Variants in RAB38 observed in about 807,000 individuals in gnomAD.
RAB38 encodes ras-related protein Rab-38.
Under a neutral mutation model 18.4 loss-of-function variants are expected in RAB38, and 15 were observed. The observed-to-expected ratio is 0.82, with a 90% CI of 0.55 to 1.26. The LOEUF (loss-of-function observed/expected upper bound fraction) is 1.26. RAB38 is among the 50% of genes most tolerant of loss of function. RAB38 has a pLI of 0.00. For synonymous variants in RAB38, 101 were observed against 104.4 expected, an observed-to-expected ratio of 0.97 and a Z score of 0.20; for missense variants, 294 against 267.4, an observed-to-expected ratio of 1.10 and a Z score of -0.69.
the RAB38 span, among the ~76,000 whole-genome samples, chr11:88,022,323 A>G: frequency 2.0e-5 from 3 of 151,956 alleles, no homozygotes; most frequent in African/African-American, 7.3e-5. Context: ...ACCCTCAAAA[A>G]AAAAAGAGTA....
At chr11:88,029,568 G>A in the RAB38 span, among the ~76,000 whole-genome samples, 2 of 152,040 alleles carry the variant, frequency 1.3e-5, no homozygotes, top group African/African-American at 2.4e-5. Flanking sequence ...AAAAAAGGCA[G>A]GGTTTGCAGT....
chr11:88,039,064 T>C, the RAB38 span, among the ~76,000 whole-genome samples: 1 of 152,160 alleles, frequency 6.6e-6, no homozygotes, highest in African/African-American at 2.4e-5. Flanking sequence ...TTTGGGAGCA[T>C]ATAAATGGCA....
chr11:88,082,285 T>G, the RAB38 span, among the ~76,000 whole-genome samples: 1 of 151,786 alleles, frequency 6.6e-6, no homozygotes, highest in Non-Finnish European at 1.5e-5. Flanking sequence ...ACTGAAATTT[T>G]GAGCAAAAAT....
chr11:88,038,374 AT>A, the RAB38 span, among the ~76,000 whole-genome samples: 1 of 152,050 alleles, frequency 6.6e-6, no homozygotes, highest in Non-Finnish European at 1.5e-5. Flanking sequence ...GTTGATTTTT[AT>A]TTTCCTCTGG....
the RAB38 span, among the ~76,000 whole-genome samples, chr11:87,814,241 T>C: frequency 6.6e-6 from 1 of 152,138 alleles, no homozygotes; most frequent in Non-Finnish European, 1.5e-5. Flanking sequence ...TTGATGAGGA[T>C]TAACTTGTCT....
chr11:88,012,552 G>T, the RAB38 span, among the ~76,000 whole-genome samples: 1 of 151,436 alleles, frequency 6.6e-6, no homozygotes, highest in Non-Finnish European at 1.5e-5. Context: ...TCTGGGTGGG[G>T]ACTAGAGTGA....
At chr11:88,159,793 T>C (rs1943168641) in intron 1 of RAB38, among the ~76,000 whole-genome samples, 5 of 152,058 alleles carry the variant, frequency 3.3e-5, no homozygotes, top group Admixed American at 3.3e-4. Context: ...AGAATGATAC[T>C]GGACTCCTAC....
At chr11:87,870,993 AT>A in the RAB38 span, among the ~76,000 whole-genome samples, 1 of 151,680 alleles carries the variant, frequency 6.6e-6, no homozygotes, top group African/African-American at 2.4e-5. Flanking sequence ...ATGTTAAAAT[AT>A]TTTTATAGCC....
At chr11:88,051,539 A>C in the RAB38 span, among the ~76,000 whole-genome samples, 3 of 152,024 alleles carry the variant, frequency 2.0e-5, no homozygotes, top group South Asian at 2.1e-4. Flanking sequence ...AACCTAACAA[A>C]AAAAAAAAAG....
chr11:87,941,214 G>GATAGATATATATATATAT, the RAB38 span, among the ~76,000 whole-genome samples: 3 of 62,552 alleles, frequency 4.8e-5, no homozygotes, highest in African/African-American at 2.3e-4. Context: ...AAATATATGA[G>GATAGATATATATATATAT]ATATATATAT....
At chr11:88,163,209 C>T (rs1362498948) in intron 1 of RAB38, among the ~76,000 whole-genome samples, 1 of 152,104 alleles carries the variant, frequency 6.6e-6, no homozygotes, top group Non-Finnish European at 1.5e-5. Flanking sequence ...CTCCATAACA[C>T]AGGTACCCTA....
chr11:87,822,960 C>T, the RAB38 span, among the ~76,000 whole-genome samples: 1 of 152,084 alleles, frequency 6.6e-6, no homozygotes, highest in Admixed American at 6.6e-5. Flanking sequence ...TAGGGAATTA[C>T]TTTATAATGA....
chr11:87,976,671 TG>T, the RAB38 span, among the ~76,000 whole-genome samples: 29,754 of 111,144 alleles, frequency 0.27, 4,771 homozygotes, highest in Non-Finnish European at 0.35. Context: ...TAATTTTATA[TG>T]ATATATATTT....
chr11:87,829,115 A>G, the RAB38 span, among the ~76,000 whole-genome samples: 4 of 152,196 alleles, frequency 2.6e-5, no homozygotes, highest in African/African-American at 9.7e-5. Context: ...TGCTTTATAC[A>G]TTTTAGAACA....
chr11:87,977,860 TACTTAC>T, the RAB38 span, among the ~76,000 whole-genome samples: 2 of 111,166 alleles, frequency 1.8e-5, no homozygotes, highest in Non-Finnish European at 3.4e-5. Context: ...GATAGTAATA[TACTTAC>T]AAATATATAT....
the RAB38 span, among the ~76,000 whole-genome samples, chr11:87,889,823 T>G: frequency 6.6e-6 from 1 of 151,614 alleles, no homozygotes; most frequent in South Asian, 2.1e-4. Context: ...TCTGTGTGGT[T>G]TTTTTTTGTT....
chr11:87,856,587 A>G, the RAB38 span, among the ~76,000 whole-genome samples: 4 of 152,188 alleles, frequency 2.6e-5, no homozygotes, highest in Non-Finnish European at 4.4e-5. Flanking sequence ...ATTAAAAAAA[A>G]TTTCTTATCA....
chr11:87,839,850 TATA>T, the RAB38 span, among the ~76,000 whole-genome samples: 1 of 152,174 alleles, frequency 6.6e-6, no homozygotes, highest in Non-Finnish European at 1.5e-5. Flanking sequence ...AAACTCTGAG[TATA>T]ATAAGAATTA....
chr11:88,121,369 T>C (rs544860341), intron 2 of RAB38, among the ~76,000 whole-genome samples: 1 of 152,206 alleles, frequency 6.6e-6, no homozygotes, highest in Non-Finnish European at 1.5e-5. Context: ...TGGTACTAAG[T>C]TTGTACTCAC....
Sources: allele counts gnomAD v4.1 joint callset (sites outside exome capture counted in the v4.1 genomes callset), GRCh38; gene constraint gnomAD v4.1.1; transcripts MANE v1.5; gene names NCBI Gene and HGNC (gene_info 2026-07-23, HGNC 2026-07-21).